The following YEATS2 variants were observed in gnomAD, a reference collection of about 807,000 sequenced individuals.
The protein encoded by YEATS2 is YEATS domain containing 2.
A neutral mutation model predicts 163.2 loss-of-function variants in YEATS2; 77 were observed. That is an observed-to-expected ratio of 0.47 (90% CI 0.39 to 0.57). The LOEUF (loss-of-function observed/expected upper bound fraction) is 0.57, where lower values mean the gene tolerates loss of function less well. Among genes scored for constraint, YEATS2 ranks in the 20% least tolerant of loss-of-function variants. The probability of loss-of-function intolerance (pLI) is 0.00; values close to 1 mark genes in which losing one functional copy is unlikely to be tolerated. For synonymous variants in YEATS2, 631 were observed against 645.1 expected (o/e 0.98, Z 0.33); for missense variants, 1,549 against 1,729.8 (o/e 0.90, Z 1.85).
At chr3:183,771,160 A>G (rs1449011450) in intron 15 of YEATS2, among the ~76,000 whole-genome samples, 1 of 152,052 alleles carries the variant, frequency 6.6e-6, no homozygotes, top group Non-Finnish European at 1.5e-5. Context: ...ACAAATTCCT[A>G]TTTTCCCCAC....
chr3:183,718,690 T>G, intron 4 of YEATS2, 98 bp downstream of exon 4: 2 of 1,032,830 alleles, frequency 1.9e-6, no homozygotes, highest in Non-Finnish European at 1.4e-6. Context: ...GAAACATTTC[T>G]TTCTGTTTGT....
intron 1 of YEATS2, among the ~76,000 whole-genome samples, chr3:183,705,294 C>T (rs1320049213): frequency 1.3e-5 from 2 of 152,180 alleles, no homozygotes; most frequent in African/African-American, 2.4e-5. Flanking sequence ...AAGCGAGTCA[C>T]CTGCCTCAAC....
intron 13 of YEATS2, among the ~76,000 whole-genome samples, 192 bp from the exon 14 acceptor site, chr3:183,761,315 G>A (rs1227210977): frequency 1.3e-5 from 2 of 152,090 alleles, no homozygotes; most frequent in Non-Finnish European, 2.9e-5. Context: ...TTGATCTCCC[G>A]ACCTCAGGCG....
At chr3:183,796,404 G>T (rs1368484222) in intron 21 of YEATS2, among the ~76,000 whole-genome samples, 1 of 151,378 alleles carries the variant, frequency 6.6e-6, no homozygotes, top group Non-Finnish European at 1.5e-5. Flanking sequence ...TGAATGCCTA[G>T]AACAGTTTTA....
At chr3:183,789,795 T>C (rs1329301271) in intron 20 of YEATS2, among the ~76,000 whole-genome samples, 1 of 151,918 alleles carries the variant, frequency 6.6e-6, no homozygotes, top group Non-Finnish European at 1.5e-5. Flanking sequence ...CGCTTTGGCC[T>C]CCCAAAGTGC....
At chr3:183,718,031 C>T (rs577035885) in intron 3 of YEATS2, among the ~76,000 whole-genome samples, 338 of 152,092 alleles carry the variant, frequency 2.2e-3, no homozygotes, top group Admixed American at 3.6e-3. Flanking sequence ...ATTTATTGTA[C>T]ATTTAAAAAT....
rs1014502044 is a variant in YEATS2 at position 183,772,033 on chromosome 3, T to C, written c.1948-272T>C. Among the ~76,000 whole-genome samples the C allele has an allele frequency of 5.3e-5, 8 of 152,112 alleles. No homozygotes were observed. In the South Asian group the frequency reaches 1.7e-3, roughly 32 times the overall value. On this transcript the variant is annotated intron_variant, in intron 15 of 30. Transcript: ENST00000305135. ...TGAGCCACCACGCCCGGCCAAACTT[T>C]TTTCTTTATACTTCTGAATTTCCCA...
chr3:183,758,188 C>T (rs1339735375), intron 12 of YEATS2, among the ~76,000 whole-genome samples: 1 of 152,046 alleles, frequency 6.6e-6, no homozygotes, highest in Non-Finnish European at 1.5e-5. Context: ...CGAAACCCAT[C>T]TCCACTAAAA....
In YEATS2 at chr3:183,790,953, C is replaced by G; in HGVS notation, c.3070C>G (p.Pro1024Ala). The change falls in exon 21 of 31, where the codon CCC becomes GCC. Residue 1024 changes from proline to alanine, a missense_variant. Physicochemically the swap from Pro to Ala is conservative, Grantham distance 27. Coordinates refer to ENST00000305135, the MANE Select transcript of YEATS2 (RefSeq NM_018023.5). ...CACGTCCCTCGTGCCTACACCAAAC[C>G]CCATCTCTGGGAAAGCCACAGTATC... is the stretch of plus-strand genomic sequence containing the variant. ...SATSLVPTPNPISGKATVSGL... is the reference protein window; with the variant it reads ...SATSLVPTPNAISGKATVSGL... 6 of 1,614,086 alleles carry G rather than the reference C, an allele frequency of 3.7e-6. No individual in the cohort carries two copies. The highest frequency in any genetic ancestry group is 4.2e-6 in the Non-Finnish European group (5 of 1,179,970).
At chr3:183,717,045 A>G (rs1338494106) in intron 2 of YEATS2, among the ~76,000 whole-genome samples, 2 of 150,836 alleles carry the variant, frequency 1.3e-5, no homozygotes, top group African/African-American at 4.9e-5. Flanking sequence ...GGTACCCCCC[A>G]CTACGCCCAG....
chr3:183,727,457 C>T (rs1717236313), intron 6 of YEATS2, among the ~76,000 whole-genome samples: 1 of 152,086 alleles, frequency 6.6e-6, no homozygotes, highest in Non-Finnish European at 1.5e-5. Context: ...CATCTCTCCC[C>T]AAATCAATCT....
chr3:183,730,520 G>A (rs1577072222), intron 7 of YEATS2, among the ~76,000 whole-genome samples: 1 of 152,130 alleles, frequency 6.6e-6, no homozygotes, highest in South Asian at 2.1e-4. Context: ...ACCCTTTCAA[G>A]CGATGGTGGC....
chr3:183,764,377 A>AAG (rs1721686473), intron 15 of YEATS2, among the ~76,000 whole-genome samples: 1 of 151,328 alleles, frequency 6.6e-6, no homozygotes, highest in East Asian at 2.0e-4. Flanking sequence ...TTAAAAAAAA[A>AAG]AAAAAAAAAA....
chr3:183,800,631 T>A, intron 24 of YEATS2, 63 bp downstream of exon 24: 1 of 1,327,690 alleles, frequency 7.5e-7, no homozygotes, highest in Non-Finnish European at 1.1e-6. Context: ...CTGTGACAGC[T>A]GAGTATGTGC....
chr3:183,802,535 G>GTATATATATATATA (rs11276625), intron 25 of YEATS2: 2 of 142,222 alleles, frequency 1.4e-5, no homozygotes, highest in African/African-American at 5.4e-5. Context: ...ATATACACGT[G>GTATATATATATATA]TATATACACA....
intron 21 of YEATS2, among the ~76,000 whole-genome samples, chr3:183,796,947 AC>A (rs1265330506): frequency 6.6e-6 from 1 of 152,088 alleles, no homozygotes; most frequent in Non-Finnish European, 1.5e-5. Flanking sequence ...CTTAATCATT[AC>A]GGGCAGGCAC....
At chr3:183,736,655 CTT>C (rs878938855) in intron 7 of YEATS2, 61 bp from the exon 8 acceptor site, 3 of 1,242,934 alleles carry the variant, frequency 2.4e-6, no homozygotes, top group Non-Finnish European at 2.2e-6. Flanking sequence ...TATCAGGAAA[CTT>C]TTCCTGTGTA....
intron 15 of YEATS2, among the ~76,000 whole-genome samples, chr3:183,772,019 G>A (rs1363686206): frequency 1.3e-5 from 2 of 151,922 alleles, no homozygotes; most frequent in African/African-American, 2.4e-5. Context: ...GAGCCACCAC[G>A]CCCGGCCAAA....
chr3:183,797,828 C>T, intron 21 of YEATS2, 95 bp from the exon 22 acceptor site: 7 of 1,517,222 alleles, frequency 4.6e-6, no homozygotes, highest in Non-Finnish European at 6.3e-6. Flanking sequence ...GTCCTGGGAA[C>T]TTCCTCCATG....
Sources: gnomAD v4.1 joint callset for allele counts (sites outside exome capture counted in the v4.1 genomes callset) on GRCh38, gnomAD v4.1.1 for gene constraint, MANE v1.5 for transcripts, NCBI Gene and HGNC (gene_info 2026-07-23, HGNC 2026-07-21) for gene names.